The following SMYD3 variants were observed in gnomAD, a reference collection of about 807,000 sequenced individuals.
The protein encoded by SMYD3 is histone-lysine N-methyltransferase SMYD3.
Under a neutral mutation model 57.7 loss-of-function variants are expected in SMYD3, and 36 were observed. The ratio of observed to expected loss-of-function variants is 0.62; its 90% CI spans 0.48 to 0.82. The LOEUF is 0.82. SMYD3 is among the 40% of genes least tolerant of loss of function. The pLI is 0.00. For missense variants in SMYD3, 515 were observed against 538.8 expected (o/e 0.96, Z 0.44); for synonymous variants, 211 against 195.0 (o/e 1.08, Z -0.68).
chr1:245,806,637 G>A (rs993154986), intron 10 of SMYD3, among the ~76,000 whole-genome samples: 12 of 152,112 alleles, frequency 7.9e-5, no homozygotes, highest in African/African-American at 2.9e-4. Context: ...AAGGCCGGGC[G>A]CGGTGGCTCA....
chr1:245,833,707 G>A (rs1174250402), intron 10 of SMYD3, among the ~76,000 whole-genome samples: 1 of 152,170 alleles, frequency 6.6e-6, no homozygotes, highest in East Asian at 1.9e-4. Context: ...GAACTCACCT[G>A]AGGTGCCATC....
chr1:246,109,966 G>A (rs1026397358), intron 5 of SMYD3: 1 of 152,226 alleles, frequency 6.6e-6, no homozygotes, highest in Non-Finnish European at 1.5e-5. Flanking sequence ...TTTGAGATAA[G>A]GATAGGAGCT....
chr1:246,107,485 T>C (rs2061152047), intron 5 of SMYD3, among the ~76,000 whole-genome samples: 1 of 152,162 alleles, frequency 6.6e-6, no homozygotes, highest in Non-Finnish European at 1.5e-5. Flanking sequence ...TATCAGGTAG[T>C]TGGTGGCTAC....
chr1:245,850,341 C>A (rs759484216), intron 10 of SMYD3, among the ~76,000 whole-genome samples: 22 of 152,142 alleles, frequency 1.4e-4, no homozygotes, highest in Admixed American at 7.2e-4. Context: ...CAGGGCAGAA[C>A]CTCTATTTTA....
chr1:246,243,068 T>C (rs2063642763), intron 5 of SMYD3, among the ~76,000 whole-genome samples: 1 of 151,992 alleles, frequency 6.6e-6, no homozygotes, highest in African/African-American at 2.4e-5. Context: ...AACAAACATA[T>C]CCAGGACTTG....
intron 5 of SMYD3, among the ~76,000 whole-genome samples, chr1:246,085,783 G>A (rs1286937273): frequency 1.3e-5 from 2 of 152,034 alleles, no homozygotes; most frequent in Admixed American, 1.3e-4. Context: ...AATTTTATTA[G>A]AGGGGGTCCC....
chr1:245,972,301 A>G (rs2058320992), intron 5 of SMYD3, among the ~76,000 whole-genome samples: 1 of 152,204 alleles, frequency 6.6e-6, no homozygotes, highest in Admixed American at 6.5e-5. Flanking sequence ...GCAAGTTAAC[A>G]TATGTGAATT....
chr1:245,772,959 G>T (rs2046396797), intron 10 of SMYD3, among the ~76,000 whole-genome samples: 2 of 152,030 alleles, frequency 1.3e-5, no homozygotes, highest in East Asian at 3.9e-4. Context: ...ATCTGGAAAT[G>T]TATACAACTC....
rs190255900 is a variant in SMYD3, at chr1:246,166,101, A to T, written c.531+161100T>A. On this transcript the variant is annotated intron_variant, in intron 5 of 11. Transcript: ENST00000490107. ...TGGACTAGGTTCCCCTCCCTTTTTT[A>T]AAAAAAAAAGAAGAAGAAAAGCACT... is the stretch of plus-strand genomic sequence containing the variant. 5.0e-4 allele frequency among the ~76,000 whole-genome samples: 67 copies of T among 134,428 alleles called. No homozygotes were observed. In the East Asian group the frequency reaches 8.6e-3, roughly 17 times the overall value. 88.2% of individuals were successfully genotyped at this position (134,428 alleles called of 152,430 possible).
At chr1:246,243,204 T>C (rs1385450803) in intron 5 of SMYD3, among the ~76,000 whole-genome samples, 1 of 152,114 alleles carries the variant, frequency 6.6e-6, no homozygotes, top group Non-Finnish European at 1.5e-5. Flanking sequence ...TTCAGAACTT[T>C]GAAAGTACTG....
chr1:246,498,373 T>C (rs2068398829), intron 1 of SMYD3, among the ~76,000 whole-genome samples: 1 of 152,198 alleles, frequency 6.6e-6, no homozygotes, highest in Admixed American at 6.5e-5. Context: ...CATGAACTGA[T>C]AGTAGAGTGA....
At chr1:246,282,441 G>A (rs544242902) in intron 5 of SMYD3, among the ~76,000 whole-genome samples, 185 of 151,192 alleles carry the variant, frequency 1.2e-3, no homozygotes, top group Non-Finnish European at 2.3e-3. Context: ...CGGGGCTGCA[G>A]TGAGCTGTGG....
Position 246,316,361 on chromosome 1 carries a change from G to GTTT in SMYD3, c.531+10837_531+10839dup, listed in dbSNP as rs746235263. On this transcript the variant is annotated intron_variant, in intron 5 of 11. Transcript: ENST00000490107. ...ACATACTAAGACCCTGTCTTCATGG[G>GTTT]TTTTTTTTTTTTTTTTTGAGAGAGT... is the stretch of plus-strand genomic sequence containing the variant. 3.1e-3 allele frequency among the ~76,000 whole-genome samples: 416 copies of GTTT among 133,422 alleles called. 3 individuals are homozygous for GTTT. The highest frequency in any genetic ancestry group is 0.011 in the African/African-American group (390 of 36,102). The allele number at this position is 133,422 out of a possible 152,430, so 87.5% of individuals were successfully genotyped here.
intron 5 of SMYD3, among the ~76,000 whole-genome samples, chr1:246,153,323 A>C (rs2061973179): frequency 6.6e-6 from 1 of 151,398 alleles, no homozygotes; most frequent in Non-Finnish European, 1.5e-5. Context: ...TGTCTCCTAC[A>C]GTCATAACCT....
intron 1 of SMYD3, among the ~76,000 whole-genome samples, chr1:246,426,754 T>C (rs1455461740): frequency 1.3e-5 from 2 of 152,088 alleles, no homozygotes; most frequent in Non-Finnish European, 2.9e-5. Flanking sequence ...CCTAATAAAG[T>C]AAAGTGCTGA....
At chr1:246,189,792 T>C (rs2062702744) in intron 5 of SMYD3, among the ~76,000 whole-genome samples, 1 of 152,176 alleles carries the variant, frequency 6.6e-6, no homozygotes, top group Non-Finnish European at 1.5e-5. Context: ...AACTCCATCA[T>C]ATGCTGCTTT....
rs371723390 is a variant in SMYD3 at position 246,118,730 on chromosome 1, A to T, written c.532-188793T>A. On this transcript the variant is annotated intron_variant, in intron 5 of 11. Coordinates refer to ENST00000490107, the MANE Select transcript of SMYD3 (RefSeq NM_001167740.2). ...TCTCCCTTCTTCCTTGAGACTCCCA[A>T]TTTTTTTTTAAAATGTGTGCTAAAG... Among the ~76,000 whole-genome samples, 257 of 150,396 alleles carry T rather than the reference A, an allele frequency of 1.7e-3. 2 individuals are homozygous for T. The highest frequency in any genetic ancestry group is 5.9e-3 in the African/African-American group (244 of 41,018).
At chr1:246,129,060 C>T (rs951950901) in intron 5 of SMYD3, among the ~76,000 whole-genome samples, 2 of 152,096 alleles carry the variant, frequency 1.3e-5, no homozygotes, top group African/African-American at 2.4e-5. Flanking sequence ...GGCCTCCAAA[C>T]GTGCTAGGAT....
In SMYD3 at chr1:246,144,581, A is replaced by C. The variant is rs111564358; in HGVS notation, c.531+182620T>G. Among the ~76,000 whole-genome samples the C allele has an allele frequency of 5.5e-4, 84 of 152,246 alleles. 1 individual carries two copies. The highest frequency in any genetic ancestry group is 2.0e-3 in the African/African-American group (82 of 41,558). On this transcript the variant is annotated intron_variant, in intron 5 of 11. Coordinates refer to ENST00000490107, the MANE Select transcript of SMYD3 (RefSeq NM_001167740.2). ...CCCTCCCTGTCAACAAATTTCAGAA[A>C]CTTGCTTTTATCTTTTTATTTTTCC... is the stretch of plus-strand genomic sequence containing the variant.
Sources: gnomAD v4.1 joint callset for allele counts (sites outside exome capture counted in the v4.1 genomes callset) on GRCh38, gnomAD v4.1.1 for gene constraint, MANE v1.5 for transcripts, NCBI Gene and HGNC (gene_info 2026-07-23, HGNC 2026-07-21) for gene names.